The following RGS5 variants were observed in gnomAD, a reference collection of about 807,000 sequenced individuals.
The protein encoded by RGS5 is regulator of G-protein signalling 5.
In RGS5, 20 loss-of-function variants were observed where a neutral mutation model predicts 18.9. The observed-to-expected ratio is 1.06, with a 90% CI of 0.74 to 1.54. The LOEUF (loss-of-function observed/expected upper bound fraction) is 1.54, where lower values mean the gene tolerates loss of function less well. Among genes scored for constraint, RGS5 ranks in the 40% most tolerant of loss-of-function variants. The pLI, the probability that RGS5 is intolerant of heterozygous loss-of-function variation, is 0.00. For missense variants in RGS5, 201 were observed against 211.8 expected, an observed-to-expected ratio of 0.95 and a Z score of 0.32; for synonymous variants, 57 against 76.2, an observed-to-expected ratio of 0.75 and a Z score of 1.31.
At chr1:163,264,706 A>T (rs1202866996) in intron 2 of RGS5, among the ~76,000 whole-genome samples, 1 of 152,136 alleles carries the variant, frequency 6.6e-6, no homozygotes, top group East Asian at 1.9e-4. Flanking sequence ...GGTAAATTCC[A>T]ATATTTCAAT....
intron 2 of RGS5, among the ~76,000 whole-genome samples, chr1:163,258,667 G>A (rs1330444873): frequency 7.4e-6 from 1 of 135,432 alleles, no homozygotes; most frequent in African/African-American, 2.9e-5. Context: ...GTGTGTGTGT[G>A]TGTGTGTACA....
intron 2 of RGS5, among the ~76,000 whole-genome samples, chr1:163,266,985 A>G (rs779386294): frequency 1.3e-5 from 2 of 152,154 alleles, no homozygotes; most frequent in Non-Finnish European, 2.9e-5. Flanking sequence ...AGAGGGAAAG[A>G]ACAGTTGTAA....
chr1:163,275,555 T>C (rs1366486070), intron 2 of RGS5, among the ~76,000 whole-genome samples: 1 of 152,238 alleles, frequency 6.6e-6, no homozygotes, highest in Non-Finnish European at 1.5e-5. Flanking sequence ...GTTGAATTAC[T>C]ATGCCAACAA....
chr1:163,290,471 A>C (rs1214303758), intron 2 of RGS5, among the ~76,000 whole-genome samples: 1 of 152,156 alleles, frequency 6.6e-6, no homozygotes, highest in Non-Finnish European at 1.5e-5. Context: ...ATTGTTTACT[A>C]AGCCATCTCA....
chr1:163,147,973 G>A (rs1470322052), intron 4 of RGS5, among the ~76,000 whole-genome samples: 1 of 126,542 alleles, frequency 7.9e-6, no homozygotes, highest in Non-Finnish European at 1.6e-5. Flanking sequence ...CACTCAGGCA[G>A]GCTGGAGTGC....
intron 1 of RGS5, among the ~76,000 whole-genome samples, chr1:163,199,810 A>G (rs1263733313): frequency 6.6e-6 from 1 of 151,884 alleles, no homozygotes; most frequent in Non-Finnish European, 1.5e-5. Flanking sequence ...AAATTAATTA[A>G]TTAATTGATT....
chr1:163,267,311 C>T (rs1331658713), intron 2 of RGS5: 1 of 152,132 alleles, frequency 6.6e-6, no homozygotes, highest in East Asian at 1.9e-4. Context: ...CCTCACCAGG[C>T]ACCTTGAACT....
chr1:163,187,563 C>T lies in RGS5; in HGVS notation c.44+15229G>A, dbSNP rs7539342. Among the ~76,000 whole-genome samples the T allele has an allele frequency of 3.2e-3, 491 of 152,074 alleles. 3 individuals are homozygous for T. Among genetic ancestry groups the T allele is most frequent in the African/African-American group, 0.011 (465 of 41,458 alleles). On this transcript the variant is annotated intron_variant, in intron 1 of 4. Coordinates refer to ENST00000313961, the MANE Select transcript of RGS5 (RefSeq NM_003617.4). The stretch of plus-strand genomic sequence containing the variant: ...CTCCCCTGACAGGTCCCGCCTCATA[C>T]GCTGGCAGAAGAAACGCTTCCATAA...
chr1:163,308,888 T>C (rs753524867), intron 1 of RGS5, among the ~76,000 whole-genome samples: 38 of 152,366 alleles, frequency 2.5e-4, no homozygotes, highest in South Asian at 6.2e-4. Context: ...GTTTACACTA[T>C]AGTCTGTTAA....
chr1:163,320,942 T>C (rs1174036545), intron 1 of RGS5, among the ~76,000 whole-genome samples: 1 of 152,194 alleles, frequency 6.6e-6, no homozygotes, highest in Non-Finnish European at 1.5e-5. Flanking sequence ...TGTCACCAGA[T>C]GATGCTCTAC....
chr1:163,277,148 C>G (rs1364863207), intron 2 of RGS5, among the ~76,000 whole-genome samples: 2 of 152,206 alleles, frequency 1.3e-5, no homozygotes, highest in African/African-American at 4.8e-5. Flanking sequence ...GATTCCAGGT[C>G]TTTAGATAAT....
At chr1:163,286,475 TA>T (rs1485642260) in intron 2 of RGS5, among the ~76,000 whole-genome samples, 1 of 152,004 alleles carries the variant, frequency 6.6e-6, no homozygotes, top group Non-Finnish European at 1.5e-5. Flanking sequence ...AGTCTCTCAT[TA>T]TTTTTTCCTA....
At chr1:163,238,661 C>T in intron 2 of RGS5, 2 of 274,018 alleles carry the variant, frequency 7.3e-6, no homozygotes, top group Non-Finnish European at 1.4e-5. Flanking sequence ...TTGGGTGGAA[C>T]TGAAAAAATT....
chr1:163,270,550 C>T (rs1163030255), intron 2 of RGS5, among the ~76,000 whole-genome samples: 1 of 151,782 alleles, frequency 6.6e-6, no homozygotes. Flanking sequence ...AAAAAGAGTA[C>T]ACACGGACCT....
rs1362752733 is a variant in RGS5, at chr1:163,231,744, G to A, written c.-280-63376C>T. Among the ~76,000 whole-genome samples, 3 of 109,910 alleles carry A rather than the reference G, an allele frequency of 2.7e-5. No homozygotes were observed. In the South Asian group the frequency reaches 7.9e-4, roughly 29 times the overall value. 72.1% of individuals were successfully genotyped at this position (109,910 alleles called of 152,430 possible). A position where few individuals can be genotyped will look rare whatever the true frequency, so the allele number is the denominator to read the frequency against. Reference sequence around the variant, plus strand: ...TATCTGGTGTCCTGGGAAGAAACAAGTGGTAAAATTAAAAAAAAAAAAAAA... The same window carrying A: ...TATCTGGTGTCCTGGGAAGAAACAAATGGTAAAATTAAAAAAAAAAAAAAA... On this transcript the variant is annotated intron_variant, in intron 2 of 5. Coordinates refer to the RGS5 transcript ENST00000618415.
At chr1:163,199,470 T>C (rs1279982241) in intron 1 of RGS5, among the ~76,000 whole-genome samples, 1 of 152,194 alleles carries the variant, frequency 6.6e-6, no homozygotes, top group East Asian at 1.9e-4. Flanking sequence ...TCTTTGTTAA[T>C]TGTTGAAATT....
intron 1 of RGS5, among the ~76,000 whole-genome samples, chr1:163,199,934 G>C (rs1305217483): frequency 6.6e-6 from 1 of 151,972 alleles, no homozygotes; most frequent in Non-Finnish European, 1.5e-5. Flanking sequence ...GCCTCCCAAA[G>C]TGCGAGGATT....
intron 2 of RGS5, among the ~76,000 whole-genome samples, chr1:163,163,637 C>A (rs1250597809): frequency 6.6e-6 from 1 of 152,162 alleles, no homozygotes; most frequent in African/African-American, 2.4e-5. Context: ...GTTTTATGTA[C>A]ATATTATTTC....
intron 1 of RGS5, among the ~76,000 whole-genome samples, chr1:163,198,284 A>C (rs1659647868): frequency 6.6e-6 from 1 of 152,150 alleles, no homozygotes; most frequent in Admixed American, 6.6e-5. Context: ...GATGGCCAAA[A>C]GCCCCTGTGT....
Sources: allele counts gnomAD v4.1 joint callset (sites outside exome capture counted in the v4.1 genomes callset), GRCh38; gene constraint gnomAD v4.1.1; transcripts MANE v1.5; gene names NCBI Gene and HGNC (gene_info 2026-07-23, HGNC 2026-07-21).